SLC25A10: variants seen among roughly 807,000 people sequenced by gnomAD.
The protein encoded by SLC25A10 is solute carrier family 25 member 10, also known as mitochondrial dicarboxylate carrier.
A neutral mutation model predicts 40.4 loss-of-function variants in SLC25A10; 32 were observed. The ratio of observed to expected loss-of-function variants is 0.79; its 90% CI spans 0.60 to 1.06. The LOEUF (loss-of-function observed/expected upper bound fraction) is 1.06. Among genes scored for constraint, SLC25A10 ranks in the 50% least tolerant of loss-of-function variants. The probability of loss-of-function intolerance (pLI) is 0.00; values close to 1 mark genes in which losing one functional copy is unlikely to be tolerated. For missense variants in SLC25A10, 394 were observed against 402.6 expected, an observed-to-expected ratio of 0.98 and a Z score of 0.18; for synonymous variants, 181 against 171.1, an observed-to-expected ratio of 1.06 and a Z score of -0.45.
intron 9 of SLC25A10, among the ~76,000 whole-genome samples, chr17:81,719,403 C>A (rs1323986095): frequency 1.3e-5 from 2 of 152,194 alleles, no homozygotes; most frequent in East Asian, 1.9e-4. Context: ...GAGGTGGTGC[C>A]GTTCATGGCA....
intron 7 of SLC25A10, 109 bp from the exon 8 acceptor site, chr17:81,717,290 A>G (rs1350169930): frequency 2.5e-6 from 3 of 1,176,790 alleles, no homozygotes; most frequent in African/African-American, 3.0e-5. Context: ...ACGGACGGAC[A>G]GACGGAGCAG....
Position 81,712,474 on chromosome 17 carries a change from C to A in SLC25A10, c.48C>A (p.Ala16=). The change falls in exon 1 of 11, where the codon GCC becomes GCA. Residue 16 remains alanine, a synonymous_variant. Coordinates refer to ENST00000350690, the MANE Select transcript of SLC25A10 (RefSeq NM_012140.5). ...RVSRWYFGGL[A]SCGAACCTHP... The stretch of plus-strand genomic sequence containing the variant: ...CGCGCTGGTACTTCGGGGGGCTGGC[C>A]TCCTGCGGGGCCGCCTGCTGCACGC... 1.5e-6 allele frequency: 2 copies of A among 1,305,426 alleles called. No individual in the cohort carries two copies. The highest frequency in any genetic ancestry group is 3.1e-5 in the East Asian group (1 of 32,210). The allele number at this position is 1,305,426 out of a possible 1,614,324, so 80.9% of individuals were successfully genotyped here.
At chr17:81,715,146 C>T (rs1005789999) in intron 2 of SLC25A10, 74 bp downstream of exon 2, 1 of 1,566,726 alleles carries the variant, frequency 6.4e-7, no homozygotes, top group Non-Finnish European at 8.6e-7. Flanking sequence ...CTACTTCCGT[C>T]CCCTTTTCAA....
intron 1 of SLC25A10, chr17:81,713,201 C>G (rs2037416383): frequency 7.0e-6 from 1 of 143,476 alleles, no homozygotes; most frequent in Admixed American, 7.0e-5. Context: ...CGTTTTTTTA[C>G]TTTTTTTTTT....
intron 1 of SLC25A10, among the ~76,000 whole-genome samples, chr17:81,714,631 C>T (rs1359178478): frequency 1.3e-5 from 2 of 152,198 alleles, no homozygotes; most frequent in African/African-American, 2.4e-5. Flanking sequence ...CTGATGGCAC[C>T]AGCGGGTGCG....
chr17:81,714,894 T>A (rs2037451582), intron 1 of SLC25A10, 59 bp from the exon 2 acceptor site: 1 of 1,585,990 alleles, frequency 6.3e-7, no homozygotes, highest in Non-Finnish European at 8.5e-7. Flanking sequence ...CCTCTCTGGA[T>A]GAACCTGGCA....
intron 6 of SLC25A10, 49 bp downstream of exon 6, chr17:81,716,904 G>T (rs369578886): frequency 2.9e-5 from 47 of 1,605,832 alleles, no homozygotes; most frequent in Admixed American, 1.7e-5. Context: ...GGCAGGCAGG[G>T]TGGGCAGCGC....
intron 9 of SLC25A10, 34 bp downstream of exon 9, chr17:81,717,895 A>G: frequency 6.5e-7 from 1 of 1,529,892 alleles, no homozygotes; most frequent in Non-Finnish European, 8.9e-7. Flanking sequence ...GTTGGGCTGC[A>G]CAGCCCAGCG....
chr17:81,720,349 G>A lies in SLC25A10; in HGVS notation c.*272G>A. The stretch of plus-strand genomic sequence containing the variant: ...CCTCTCCCGCTGGCAGCTCCTCAGG[G>A]GAACAGGGGCTACCAGAGGCTGATT... On this transcript the variant is annotated 3_prime_UTR_variant, in exon 11 of 11. Coordinates refer to ENST00000350690, the MANE Select transcript of SLC25A10 (RefSeq NM_012140.5). 7.0e-7 allele frequency: 1 copy of A among 1,420,922 alleles called. No homozygotes were observed. The highest frequency in any genetic ancestry group is 9.1e-7 in the Non-Finnish European group (1 of 1,093,224). 88.0% of individuals were successfully genotyped at this position (1,420,922 alleles called of 1,614,324 possible).
intron 4 of SLC25A10, 74 bp downstream of exon 4, chr17:81,715,815 T>C (rs1458218266): frequency 6.3e-7 from 1 of 1,581,244 alleles, no homozygotes; most frequent in Non-Finnish European, 8.7e-7. Flanking sequence ...CTGCCAGGGC[T>C]GCTTGCAGGG....
At chr17:81,717,978 G>C (rs1381527017) in intron 9 of SLC25A10, 117 bp downstream of exon 9, 2 of 732,838 alleles carry the variant, frequency 2.7e-6, no homozygotes, top group Non-Finnish European at 4.8e-6. Context: ...CCTTCTAGTT[G>C]CCTGTCTCTG....
chr17:81,716,968 G>A (rs755930473), intron 6 of SLC25A10, 34 bp from the exon 7 acceptor site: 1 of 1,526,194 alleles, frequency 6.6e-7, no homozygotes, highest in South Asian at 1.1e-5. Context: ...CTCACCCCTT[G>A]CCTCACCCCT....
chr17:81,714,001 T>C (rs1459641705), intron 1 of SLC25A10, among the ~76,000 whole-genome samples: 8 of 152,216 alleles, frequency 5.3e-5, no homozygotes, highest in Admixed American at 5.2e-4. Flanking sequence ...CTTTGTCCCA[T>C]GTCCCTACAG....
chr17:81,716,799 G>A lies in SLC25A10; in HGVS notation c.420-13G>A. 1.2e-6 allele frequency: 2 copies of A among 1,604,118 alleles called. No individual in the cohort carries two copies. Among genetic ancestry groups the A allele is most frequent in the Non-Finnish European group, 1.7e-6 (2 of 1,175,830 alleles). ...AGGGGGAGTCTCATGTGGTCATTCT[G>A]TGTCCCCGGCAGCTACGCCCATGCG... On this transcript the variant is annotated splice_polypyrimidine_tract_variant and intron_variant, in intron 5 of 10. Transcript: ENST00000350690.
At chr17:81,717,599 C>A in intron 8 of SLC25A10, 108 bp downstream of exon 8, 1 of 1,383,294 alleles carries the variant, frequency 7.2e-7, no homozygotes. Context: ...GGGCATCTGG[C>A]AGTGCCCCCT....
rs767082555 is a variant in SLC25A10 at position 81,715,455 on chromosome 17, C to T, written c.214-23C>T. 1.6e-5 allele frequency: 25 copies of T among 1,597,128 alleles called. 1 individual carries two copies. In the South Asian group the frequency reaches 2.3e-4, roughly 15 times the overall value. ...GGGGTGTGGGGCGTGCCCGTCCCTC[C>T]AAGCCAGGCCCTTCTCCCCCAGATG... On this transcript the variant is annotated intron_variant, in intron 2 of 10. Coordinates refer to ENST00000350690, the MANE Select transcript of SLC25A10 (RefSeq NM_012140.5).
At chr17:81,717,734 AT>A (rs1447995789) in intron 8 of SLC25A10, 49 bp from the exon 9 acceptor site, 1 of 1,587,622 alleles carries the variant, frequency 6.3e-7, no homozygotes, top group Non-Finnish European at 8.6e-7. Context: ...GGATTCGGCG[AT>A]GGTGCCTGGC....
At chr17:81,716,279 T>C (rs2037484236) in intron 5 of SLC25A10, among the ~76,000 whole-genome samples, 1 of 152,116 alleles carries the variant, frequency 6.6e-6, no homozygotes. Context: ...GGGCTGGGCC[T>C]GTTTGCACCC....
intron 9 of SLC25A10, among the ~76,000 whole-genome samples, chr17:81,718,083 T>C (rs2037522068): frequency 6.6e-6 from 1 of 152,220 alleles, no homozygotes; most frequent in Non-Finnish European, 1.5e-5. Flanking sequence ...CAGTGGCTCA[T>C]GCCTGTAACC....
Sources: allele counts gnomAD v4.1 joint callset (sites outside exome capture counted in the v4.1 genomes callset), GRCh38; gene constraint gnomAD v4.1.1; transcripts MANE v1.5; gene names NCBI Gene and HGNC (gene_info 2026-07-23, HGNC 2026-07-21).